DTHD1: variants seen among roughly 807,000 people sequenced by gnomAD.
DTHD1 encodes death domain-containing protein 1.
In DTHD1, 59 loss-of-function variants were observed where a neutral mutation model predicts 74.8. That is an observed-to-expected ratio of 0.79 (90% CI 0.64 to 0.98). The LOEUF (loss-of-function observed/expected upper bound fraction) is 0.98. Ranked by LOEUF, DTHD1 falls within the 50% of genes least tolerant of loss-of-function variation. DTHD1 has a pLI of 0.00. For missense variants in DTHD1, 1,051 were observed against 1,065.4 expected, an observed-to-expected ratio of 0.99 and a Z score of 0.19; for synonymous variants, 365 against 371.1, an observed-to-expected ratio of 0.98 and a Z score of 0.19.
Position 36,284,580 on chromosome 4 carries a change from A to T in DTHD1, c.876A>T (p.Ile292=). 1 of 1,514,730 alleles carries T rather than the reference A, an allele frequency of 6.6e-7. No individual in the cohort carries two copies. The highest frequency in any genetic ancestry group is 8.8e-7 in the Non-Finnish European group (1 of 1,137,676). The allele number at this position is 1,514,730 out of a possible 1,614,324, so 93.8% of individuals were successfully genotyped here. ...DSENIKHKNN[I]MEKEYLDVLS... ...AGAATATAAAGCACAAGAATAACATAATGGAAAAGGAGTAAGTAAATGCAA... is the reference window on the plus strand; with the variant it reads ...AGAATATAAAGCACAAGAATAACATTATGGAAAAGGAGTAAGTAAATGCAA... Residue 292 remains isoleucine, a synonymous_variant, in exon 2 of 10, where the codon ATA becomes ATT. Transcript: ENST00000639862.
intron 2 of DTHD1, among the ~76,000 whole-genome samples, chr4:36,286,088 G>A (rs376060902): frequency 2.0e-5 from 3 of 152,136 alleles, no homozygotes; most frequent in Non-Finnish European, 4.4e-5. Flanking sequence ...TAATTTGGCC[G>A]TAATGTTTCT....
In DTHD1 at chr4:36,293,705, G is replaced by C; in HGVS notation, c.1398G>C (p.Lys466Asn). 6.7e-7 allele frequency: 1 copy of C among 1,497,542 alleles called. No homozygotes were observed. Among genetic ancestry groups the C allele is most frequent in the South Asian group, 1.3e-5 (1 of 76,894 alleles). 92.8% of individuals were successfully genotyped at this position (1,497,542 alleles called of 1,614,324 possible). ...VFTSPVLVQL[K>N]IQPVDPALVA... ...CCTCTCCAGTGCTGGTGCAGTTAAA[G>C]GTAAACATATTAAAAATAGGTGAGT... The change falls in exon 4 of 10, where the codon AAG (lysine) becomes AAC (asparagine). Residue 466 changes from lysine to asparagine, a missense_variant and splice_region_variant. Lys to Asn is a moderately conservative substitution (Grantham distance 94). Coordinates refer to ENST00000639862, the MANE Select transcript of DTHD1 (RefSeq NM_001170700.3).
chr4:36,316,798 G>A (rs1051572411), intron 8 of DTHD1, among the ~76,000 whole-genome samples: 1 of 152,022 alleles, frequency 6.6e-6, no homozygotes, highest in Non-Finnish European at 1.5e-5. Context: ...AATCATTTAT[G>A]AAAAAAATAC....
rs747996318 is a variant in DTHD1, at chr4:36,295,059, T to C, written c.1643+20T>C. On this transcript the variant is annotated intron_variant, in intron 5 of 9. Coordinates refer to ENST00000639862, the MANE Select transcript of DTHD1 (RefSeq NM_001170700.3). ...CAACCGGTGAGTAAGTTTCTAATAT[T>C]GTAAACTGGCTTAATGTCAAACAAA... 2 of 1,506,246 alleles carry C rather than the reference T, an allele frequency of 1.3e-6. No individual in the cohort carries two copies. The highest frequency in any genetic ancestry group is 1.8e-6 in the Non-Finnish European group (2 of 1,119,936). The allele number at this position is 1,506,246 out of a possible 1,614,324, so 93.3% of individuals were successfully genotyped here. A position where few individuals can be genotyped will look rare whatever the true frequency, so the allele number is the denominator to read the frequency against.
intron 8 of DTHD1, among the ~76,000 whole-genome samples, chr4:36,322,949 C>T (rs1254171929): frequency 2.6e-5 from 4 of 152,170 alleles, no homozygotes; most frequent in South Asian, 2.1e-4. Context: ...TCTGAAGTCA[C>T]GCCAGATAGG....
chr4:36,289,885 T>A (rs1395398352), intron 2 of DTHD1, among the ~76,000 whole-genome samples: 1 of 152,054 alleles, frequency 6.6e-6, no homozygotes, highest in South Asian at 2.1e-4. Context: ...TCTAAAAATA[T>A]ATAATCATCA....
At chr4:36,314,068 T>C (rs1757551718) in intron 7 of DTHD1, among the ~76,000 whole-genome samples, 1 of 127,474 alleles carries the variant, frequency 7.8e-6, no homozygotes. Context: ...CCTAGGAATC[T>C]GTTTTTTTTT....
In DTHD1 at chr4:36,323,919, C is replaced by G. The variant is rs79110436; in HGVS notation, c.2340+7433C>G. 3.3e-5 allele frequency among the ~76,000 whole-genome samples: 5 copies of G among 152,274 alleles called. No individual in the cohort carries two copies. In the East Asian group the frequency reaches 9.7e-4, roughly 29 times the overall value. ...GGATGGAGAAGGGAGAACTCTGGCA[C>G]TCCATGCATCTCCCTTACATGTTAT... On this transcript the variant is annotated intron_variant, in intron 8 of 9. Transcript: ENST00000639862.
At chr4:36,337,896 A>G (rs1759100782) in intron 8 of DTHD1, among the ~76,000 whole-genome samples, 1 of 152,244 alleles carries the variant, frequency 6.6e-6, no homozygotes, top group African/African-American at 2.4e-5. Flanking sequence ...TAGATTCACA[A>G]GAAGTTGCAA....
At chr4:36,307,120 C>A (rs962814601) in intron 6 of DTHD1, among the ~76,000 whole-genome samples, 1 of 152,208 alleles carries the variant, frequency 6.6e-6, no homozygotes, top group African/African-American at 2.4e-5. Context: ...GGGTGAGGGC[C>A]TCTTTTAGGC....
chr4:36,304,191 G>C (rs1432166755), intron 5 of DTHD1, among the ~76,000 whole-genome samples: 1 of 152,178 alleles, frequency 6.6e-6, no homozygotes, highest in Non-Finnish European at 1.5e-5. Context: ...TGACAGAAAA[G>C]AAAGTGAATG....
chr4:36,313,312 A>G (rs1320452372), intron 7 of DTHD1, among the ~76,000 whole-genome samples: 2 of 152,116 alleles, frequency 1.3e-5, no homozygotes, highest in Non-Finnish European at 2.9e-5. Flanking sequence ...TATTGAGAAA[A>G]AGAAAAAGAT....
In DTHD1 at chr4:36,343,986, T is replaced by C. The variant is rs1759468001; in HGVS notation, c.*162T>C. On this transcript the variant is annotated 3_prime_UTR_variant, in exon 10 of 10. Transcript: ENST00000639862. Reference sequence around the variant, plus strand: ...GACAAAGGGAGAAGCACGGATCAGATAATAGAAAGCATTCCTGGGTGTGAG... The same window carrying C: ...GACAAAGGGAGAAGCACGGATCAGACAATAGAAAGCATTCCTGGGTGTGAG... The C allele has an allele frequency of 2.8e-6, 2 of 715,044 alleles. No homozygotes were observed. Among genetic ancestry groups the C allele is most frequent in the Non-Finnish European group, 4.5e-6 (2 of 446,730 alleles). 44.3% of individuals were successfully genotyped at this position (715,044 alleles called of 1,614,324 possible). A position where few individuals can be genotyped will look rare whatever the true frequency, so the allele number is the denominator to read the frequency against.
intron 9 of DTHD1, among the ~76,000 whole-genome samples, chr4:36,341,264 A>T (rs577902675): frequency 3.3e-5 from 5 of 152,180 alleles, no homozygotes; most frequent in African/African-American, 4.8e-5. Flanking sequence ...GAGTGTTTAT[A>T]GGAAGCAAGG....
chr4:36,337,966 T>C (rs962365126), intron 8 of DTHD1, among the ~76,000 whole-genome samples: 4 of 152,234 alleles, frequency 2.6e-5, no homozygotes, highest in Non-Finnish European at 5.9e-5. Context: ...GGTTGCTTTT[T>C]AGATAACTAT....
At chr4:36,295,124 A>G in intron 5 of DTHD1, 85 bp downstream of exon 5, 1 of 1,321,038 alleles carries the variant, frequency 7.6e-7, no homozygotes, top group Admixed American at 3.1e-5. Context: ...AATGCCTTGT[A>G]TTTAAATTCT....
chr4:36,291,710 C>T (rs943104836), intron 3 of DTHD1, among the ~76,000 whole-genome samples: 1 of 152,156 alleles, frequency 6.6e-6, no homozygotes, highest in Non-Finnish European at 1.5e-5. Context: ...TGTCTATAAT[C>T]CCAGCTACTG....
rs150329702 is a variant in DTHD1 at position 36,318,857 on chromosome 4, G to A, written c.2340+2371G>A. Among the ~76,000 whole-genome samples the A allele has an allele frequency of 9.3e-4, 142 of 152,114 alleles. No individual in the cohort carries two copies. In the East Asian group the frequency reaches 0.025, roughly 27 times the overall value. On this transcript the variant is annotated intron_variant, in intron 8 of 9. Coordinates refer to ENST00000639862, the MANE Select transcript of DTHD1 (RefSeq NM_001170700.3). ...TCTCAATCTCCTGACCTCGTGATCC[G>A]CCCGCCTCGGCCTCCCGAAGTGGTG...
At chr4:36,343,313 G>A (rs1759424117) in intron 9 of DTHD1, among the ~76,000 whole-genome samples, 189 bp from the exon 10 acceptor site, 1 of 152,134 alleles carries the variant, frequency 6.6e-6, no homozygotes, top group Non-Finnish European at 1.5e-5. Context: ...AGTACCCTCA[G>A]GAGATGATCC....
Sources: gnomAD v4.1 joint callset for allele counts (sites outside exome capture counted in the v4.1 genomes callset) on GRCh38, gnomAD v4.1.1 for gene constraint, MANE v1.5 for transcripts, NCBI Gene and HGNC (gene_info 2026-07-23, HGNC 2026-07-21) for gene names.